The following IL34 variants were observed in gnomAD, a reference collection of about 807,000 sequenced individuals.
IL34 encodes the protein interleukin 34.
IL34 carries 17 observed loss-of-function variants against 25.3 expected under a neutral mutation model. That is an observed-to-expected ratio of 0.67 (90% CI 0.46 to 1.01). The LOEUF (loss-of-function observed/expected upper bound fraction) is 1.01. Among genes scored for constraint, IL34 ranks in the 50% least tolerant of loss-of-function variants. The probability of loss-of-function intolerance (pLI) is 0.00; values close to 1 mark genes in which losing one functional copy is unlikely to be tolerated. For missense variants in IL34, 368 were observed against 312.9 expected, an observed-to-expected ratio of 1.18 and a Z score of -1.33; for synonymous variants, 174 against 140.9, an observed-to-expected ratio of 1.23 and a Z score of -1.66.
intron 1 of IL34, among the ~76,000 whole-genome samples, chr16:70,607,184 C>T (rs2051018795): frequency 6.6e-6 from 1 of 152,192 alleles, no homozygotes; most frequent in Non-Finnish European, 1.5e-5. Flanking sequence ...TCACTGCAAG[C>T]TCTACCTCCT....
chr16:70,598,641 A>T lies in IL34; in HGVS notation c.-401+18592A>T, dbSNP rs550400956. Reference sequence around the variant, plus strand: ...ATAATCCCAGCTACTTGGGAGGCTGATGTAGGAGAATCGCTTGAACCCAGG... The same window carrying T: ...ATAATCCCAGCTACTTGGGAGGCTGTTGTAGGAGAATCGCTTGAACCCAGG... On this transcript the variant is annotated intron_variant, in intron 1 of 6. Coordinates refer to the IL34 transcript ENST00000429149. Among the ~76,000 whole-genome samples, 30 of 152,236 alleles carry T rather than the reference A, an allele frequency of 2.0e-4. No individual in the cohort carries two copies. In the South Asian group the frequency reaches 2.7e-3, roughly 14 times the overall value.
At chr16:70,655,124 C>G (rs1305313530) in intron 2 of IL34, among the ~76,000 whole-genome samples, 1 of 151,200 alleles carries the variant, frequency 6.6e-6, no homozygotes, top group Non-Finnish European at 1.5e-5. Context: ...TCAATCTTGG[C>G]TCACTGCAAC....
intron 1 of IL34, among the ~76,000 whole-genome samples, chr16:70,634,011 C>T (rs900450381): frequency 2.0e-4 from 30 of 152,044 alleles, no homozygotes; most frequent in Non-Finnish European, 3.7e-4. Context: ...CCACCACGCC[C>T]AGCTAATTTT....
intron 1 of IL34, among the ~76,000 whole-genome samples, chr16:70,605,683 T>C (rs1013789680): frequency 2.0e-5 from 3 of 152,178 alleles, no homozygotes; most frequent in African/African-American, 7.2e-5. Context: ...TCTTCTTTTT[T>C]TTCTTTCATG....
At chr16:70,623,414 C>A (rs1351860594) in intron 1 of IL34, among the ~76,000 whole-genome samples, 1 of 151,990 alleles carries the variant, frequency 6.6e-6, no homozygotes, top group Non-Finnish European at 1.5e-5. Flanking sequence ...TAAGGCTTGT[C>A]TGGTTTTAGG....
At position 70,582,561 on chromosome 16, in the gene IL34, C is replaced by T. The variant is rs186364244; in HGVS notation, c.-401+2512C>T. 3.3e-5 allele frequency among the ~76,000 whole-genome samples: 5 copies of T among 152,350 alleles called. 1 individual carries two copies. Among genetic ancestry groups the T allele is most frequent in the Admixed American group, 3.3e-4 (5 of 15,300 alleles). ...ATTTGCAGAATGGATGTGTTAATAC[C>T]TGTGGCCTAGAATTACGTGAGATCA... On this transcript the variant is annotated intron_variant, in intron 1 of 6. Coordinates refer to the IL34 transcript ENST00000429149.
At chr16:70,643,518 G>A (rs892507520), upstream of IL34, among the ~76,000 whole-genome samples, 13 of 152,170 alleles carry the variant, frequency 8.5e-5, no homozygotes, top group Non-Finnish European at 1.3e-4. Context: ...CCACAGGCCC[G>A]TGCCACTACA....
At chr16:70,644,044 G>A (rs1399477849), upstream of IL34, among the ~76,000 whole-genome samples, 1 of 152,090 alleles carries the variant, frequency 6.6e-6, no homozygotes, top group Admixed American at 6.6e-5. Flanking sequence ...GAGCAATCTT[G>A]GCTCACTGCA....
At chr16:70,589,783 C>T (rs2050732019) in intron 1 of IL34, among the ~76,000 whole-genome samples, 2 of 152,070 alleles carry the variant, frequency 1.3e-5, no homozygotes, top group Non-Finnish European at 2.9e-5. Context: ...CCACCACGCC[C>T]AGCTATTTTT....
intron 1 of IL34, among the ~76,000 whole-genome samples, chr16:70,653,878 G>A (rs1489729759): frequency 1.3e-5 from 2 of 152,096 alleles, no homozygotes; most frequent in Non-Finnish European, 2.9e-5. Flanking sequence ...CGTATAGGCT[G>A]TTTTTGGAGT....
At chr16:70,619,941 G>A (rs988938860) in intron 1 of IL34, among the ~76,000 whole-genome samples, 1 of 152,184 alleles carries the variant, frequency 6.6e-6, no homozygotes, top group Non-Finnish European at 1.5e-5. Context: ...GCTCCTGTGG[G>A]AGGAGGTTCT....
chr16:70,593,146 T>A (rs2050776819), intron 1 of IL34, among the ~76,000 whole-genome samples: 1 of 152,178 alleles, frequency 6.6e-6, no homozygotes, highest in Non-Finnish European at 1.5e-5. Flanking sequence ...ATTTTTTAAC[T>A]GGGTTGTTTG....
At chr16:70,625,522 T>G (rs2051373005) in intron 1 of IL34, among the ~76,000 whole-genome samples, 1 of 149,368 alleles carries the variant, frequency 6.7e-6, no homozygotes, top group Non-Finnish European at 1.5e-5. Flanking sequence ...AGAGAAGGAG[T>G]TGGGGAACTT....
At chr16:70,633,856 TC>T (rs980805590) in intron 1 of IL34, among the ~76,000 whole-genome samples, 4 of 151,464 alleles carry the variant, frequency 2.6e-5, no homozygotes, top group Non-Finnish European at 4.4e-5. Flanking sequence ...TGAGTCTCTC[TC>T]TTTTTTTTTT....
At chr16:70,612,183 C>T (rs1746144054) in intron 1 of IL34, among the ~76,000 whole-genome samples, 2 of 152,180 alleles carry the variant, frequency 1.3e-5, no homozygotes, top group African/African-American at 4.8e-5. Flanking sequence ...GTTCTGGGAT[C>T]ATGGAACCAG....
Position 70,607,718 on chromosome 16 carries a change from T to C in IL34, c.-401+27669T>C, listed in dbSNP as rs1300882792. ...TAAATGTTGGATTTTGTCACAGGCT[T>C]TCTGCATCACTGAGATGACCATGTG... On this transcript the variant is annotated intron_variant, in intron 1 of 6. Transcript: ENST00000429149. Among the ~76,000 whole-genome samples the C allele has an allele frequency of 5.9e-5, 9 of 152,196 alleles. 1 individual carries two copies.
At chr16:70,605,969 GTT>G (rs77101515) in intron 1 of IL34, among the ~76,000 whole-genome samples, 13,558 of 123,028 alleles carry the variant, frequency 0.11, 918 homozygotes, top group African/African-American at 0.2. Context: ...ACCGCACCTG[GTT>G]TTTTTTTTTT....
At chr16:70,629,989 C>T (rs2051482787) in intron 1 of IL34, among the ~76,000 whole-genome samples, 1 of 152,198 alleles carries the variant, frequency 6.6e-6, no homozygotes, top group Non-Finnish European at 1.5e-5. Flanking sequence ...ACCATCATTT[C>T]CACTTCCTCC....
chr16:70,657,291 T>G, intron 4 of IL34, 170 bp downstream of exon 4: 2 of 679,670 alleles, frequency 2.9e-6, no homozygotes, highest in Non-Finnish European at 4.8e-6. Context: ...AAGAGGCCTG[T>G]GGAAGGAAGA....
Sources: gnomAD v4.1 joint callset for allele counts (sites outside exome capture counted in the v4.1 genomes callset) on GRCh38, gnomAD v4.1.1 for gene constraint, MANE v1.5 for transcripts, NCBI Gene and HGNC (gene_info 2026-07-23, HGNC 2026-07-21) for gene names.